Variants in UNC5C observed in about 807,000 individuals in gnomAD.
UNC5C encodes the protein unc-5 netrin receptor C.
In UNC5C, 47 loss-of-function variants were observed where a neutral mutation model predicts 99.8. The ratio of observed to expected loss-of-function variants is 0.47; its 90% CI spans 0.37 to 0.60. UNC5C has a LOEUF of 0.60. Ranked by LOEUF, UNC5C falls within the 20% of genes least tolerant of loss-of-function variation. UNC5C has a pLI of 0.00. For missense variants in UNC5C, 1,062 were observed against 1,165.9 expected, an observed-to-expected ratio of 0.91 and a Z score of 1.30; for synonymous variants, 487 against 452.2, an observed-to-expected ratio of 1.08 and a Z score of -0.98.
rs575489367 is a variant in UNC5C at position 95,208,836 on chromosome 4, C to T, written c.1734-2040G>A. ...ATGGTCACTTGAAATGGATTTTTCT[C>T]TAGTTTTTGTCTATGGTTTACGTAT... On this transcript the variant is annotated intron_variant, in intron 10 of 15. Transcript: ENST00000453304. 2.6e-5 allele frequency among the ~76,000 whole-genome samples: 4 copies of T among 152,260 alleles called. 1 individual carries two copies. The South Asian group carries it at 8.3e-4, about 32-fold the overall frequency.
At chr4:95,334,144 T>A (rs939768542) in intron 2 of UNC5C, among the ~76,000 whole-genome samples, 5 of 152,046 alleles carry the variant, frequency 3.3e-5, no homozygotes, top group African/African-American at 1.2e-4. Context: ...ACATGCTTTT[T>A]AAAAAGTTGC....
intron 1 of UNC5C, among the ~76,000 whole-genome samples, chr4:95,416,736 G>A (rs76903447): frequency 0.067 from 10,242 of 152,068 alleles, 768 homozygotes; most frequent in East Asian, 0.33. Context: ...AAATCACAGA[G>A]CAGCAGAACC....
chr4:95,456,704 C>T (rs1747436369), intron 1 of UNC5C, among the ~76,000 whole-genome samples: 1 of 151,926 alleles, frequency 6.6e-6, no homozygotes, highest in South Asian at 2.1e-4. Flanking sequence ...AGTTATGTAC[C>T]AATGTGTAAA....
chr4:95,190,904 A>AGTT (rs1026778829), intron 12 of UNC5C, among the ~76,000 whole-genome samples: 7 of 152,226 alleles, frequency 4.6e-5, no homozygotes, highest in Admixed American at 1.3e-4. Flanking sequence ...CTCCAAAGGC[A>AGTT]GGACAAGAGA....
chr4:95,432,208 C>T lies in UNC5C; in HGVS notation c.125-96577G>A, dbSNP rs567140796. On this transcript the variant is annotated intron_variant, in intron 1 of 15. Coordinates refer to ENST00000453304, the MANE Select transcript of UNC5C (RefSeq NM_003728.4). Reference sequence around the variant, plus strand: ...AGCAATGGTGCTACGGTAAAAGGATCCTCAGCAATTTCTCACAGACTCCGG... The same window carrying T: ...AGCAATGGTGCTACGGTAAAAGGATTCTCAGCAATTTCTCACAGACTCCGG... Among the ~76,000 whole-genome samples the T allele has an allele frequency of 5.3e-5, 8 of 152,072 alleles. No homozygotes were observed. The South Asian group carries it at 1.0e-3, about 20-fold the overall frequency.
intron 1 of UNC5C, among the ~76,000 whole-genome samples, chr4:95,341,509 G>T (rs1429397059): frequency 7.3e-6 from 1 of 136,696 alleles, no homozygotes; most frequent in Non-Finnish European, 1.6e-5. Context: ...GAAAGAGAGA[G>T]AAAGAAAGAA....
intron 1 of UNC5C, among the ~76,000 whole-genome samples, chr4:95,497,132 A>T (rs1325305610): frequency 6.6e-6 from 1 of 151,936 alleles, no homozygotes; most frequent in South Asian, 2.1e-4. Flanking sequence ...TTGTGCTGCT[A>T]TAAACATGCG....
intron 1 of UNC5C, among the ~76,000 whole-genome samples, chr4:95,354,468 C>CATATATATATAT (rs1553965986): frequency 5.5e-4 from 54 of 98,224 alleles, no homozygotes; most frequent in Middle Eastern, 5.0e-3. Flanking sequence ...CTAACTCTTC[C>CATATATATATAT]ATATATATAT....
intron 1 of UNC5C, among the ~76,000 whole-genome samples, chr4:95,452,721 C>G (rs1747313405): frequency 6.6e-6 from 1 of 152,120 alleles, no homozygotes; most frequent in Non-Finnish European, 1.5e-5. Flanking sequence ...ATTGTTTGTT[C>G]AAGCCAACAG....
In UNC5C at chr4:95,442,833, C is replaced by G. The variant is rs1746990429; in HGVS notation, c.124+105901G>C. 2.6e-5 allele frequency among the ~76,000 whole-genome samples: 4 copies of G among 151,950 alleles called. No homozygotes were observed. In the South Asian group the frequency reaches 8.3e-4, roughly 32 times the overall value. On this transcript the variant is annotated intron_variant, in intron 1 of 15. Transcript: ENST00000453304. ...GTGCGCCAATACACACACACACACA[C>G]ACATACACACACAAACATATTCATG...
At chr4:95,170,514 C>T (rs537769934) in intron 14 of UNC5C, among the ~76,000 whole-genome samples, 182 bp from the exon 15 acceptor site, 33 of 152,276 alleles carry the variant, frequency 2.2e-4, no homozygotes, top group African/African-American at 7.9e-4. Flanking sequence ...TAACCTGGCT[C>T]AGAGATAGAG....
At chr4:95,461,450 A>G (rs1747597091) in intron 1 of UNC5C, among the ~76,000 whole-genome samples, 1 of 97,938 alleles carries the variant, frequency 1.0e-5, no homozygotes, top group Admixed American at 9.1e-5. Context: ...AAAATTATAA[A>G]TTATTGTTGG....
At chr4:95,460,197 G>GTT (rs5860408) in intron 1 of UNC5C, among the ~76,000 whole-genome samples, 2,699 of 137,366 alleles carry the variant, frequency 0.02, 81 homozygotes, top group African/African-American at 0.064. Flanking sequence ...TCCATGTGGT[G>GTT]TTTTTTTTTT....
intron 11 of UNC5C, among the ~76,000 whole-genome samples, chr4:95,203,345 A>G (rs1737757428): frequency 6.6e-6 from 1 of 152,232 alleles, no homozygotes; most frequent in Non-Finnish European, 1.5e-5. Context: ...TGCTTTTTCT[A>G]AGTAATCTTG....
At position 95,169,322 on chromosome 4, in the gene UNC5C, T is replaced by C; in HGVS notation, c.2708A>G (p.Asp903Gly). ...AGCTGCCAGCATGCTCAGGTTTCCA[T>C]CTGGGAAGTTCTGTGCTTCCCAAAG... ...LDLWEAQNFP[D>G]GNLSMLAAVL... The change falls in exon 16 of 16, where the codon GAT (aspartate) becomes GGT (glycine). Residue 903 changes from aspartate (D) to glycine (G), a missense_variant. Physicochemically the swap from Asp to Gly is moderately conservative, Grantham distance 94 (BLOSUM62 -1). Around this residue, in one of 3 missense-constraint regions of UNC5C, gnomAD observed 810 missense variants for 854.5 expected, o/e 0.95. Coordinates refer to ENST00000453304, the MANE Select transcript of UNC5C (RefSeq NM_003728.4). 1.2e-6 allele frequency: 2 copies of C among 1,614,232 alleles called. No homozygotes were observed. The highest frequency in any genetic ancestry group is 2.2e-5 in the South Asian group (2 of 91,086).
At chr4:95,177,667 C>T (rs1736424111) in intron 14 of UNC5C, among the ~76,000 whole-genome samples, 1 of 152,060 alleles carries the variant, frequency 6.6e-6, no homozygotes. Flanking sequence ...GGTATTTGTC[C>T]TCAAATACAT....
chr4:95,315,648 G>A (rs1223438535), intron 2 of UNC5C, among the ~76,000 whole-genome samples: 1 of 152,104 alleles, frequency 6.6e-6, no homozygotes, highest in Non-Finnish European at 1.5e-5. Flanking sequence ...GAACAGGAAA[G>A]GTAGCTATTT....
At chr4:95,182,590 G>T (rs1057032793) in intron 14 of UNC5C, among the ~76,000 whole-genome samples, 1 of 152,176 alleles carries the variant, frequency 6.6e-6, no homozygotes, top group South Asian at 2.1e-4. Flanking sequence ...CCATGTGCAC[G>T]CTCCTTAAAT....
intron 1 of UNC5C, among the ~76,000 whole-genome samples, chr4:95,514,438 T>C (rs934983619): frequency 6.6e-6 from 1 of 151,960 alleles, no homozygotes; most frequent in Admixed American, 6.6e-5. Flanking sequence ...CTTTGAACTC[T>C]CTTAGAGGTT....
Sources: gnomAD v4.1 joint callset for allele counts (sites outside exome capture counted in the v4.1 genomes callset) on GRCh38, gnomAD v4.1.1 for gene constraint, gnomAD v4.1.1 regional missense constraint, MANE v1.5 for transcripts, NCBI Gene and HGNC (gene_info 2026-07-23, HGNC 2026-07-21) for gene names.